Variants in USP28 observed in about 807,000 individuals in gnomAD.
USP28 encodes ubiquitin specific peptidase 28.
USP28 carries 113 observed loss-of-function variants against 145.0 expected under a neutral mutation model. That is an observed-to-expected ratio of 0.78 (90% CI 0.67 to 0.91). The LOEUF (loss-of-function observed/expected upper bound fraction) is 0.91. USP28 is among the 40% of genes least tolerant of loss of function. The probability of loss-of-function intolerance (pLI) is 0.00; values close to 1 mark genes in which losing one functional copy is unlikely to be tolerated. For synonymous variants in USP28, 447 were observed against 450.9 expected (o/e 0.99, Z 0.11); for missense variants, 1,201 against 1,289.6 (o/e 0.93, Z 1.05).
At chr11:113,857,735 A>G (rs1354483024) in intron 1 of USP28, among the ~76,000 whole-genome samples, 1 of 152,242 alleles carries the variant, frequency 6.6e-6, no homozygotes, top group Non-Finnish European at 1.5e-5. Flanking sequence ...AATTATTTAC[A>G]TTTGACCTTG....
At chr11:113,847,030 C>T (rs1012676396) in intron 3 of USP28, among the ~76,000 whole-genome samples, 1 of 152,146 alleles carries the variant, frequency 6.6e-6, no homozygotes, top group African/African-American at 2.4e-5. Context: ...CCAATTATCA[C>T]TATAACTATT....
chr11:113,804,439 T>G (rs939753752), intron 21 of USP28, among the ~76,000 whole-genome samples: 6 of 152,184 alleles, frequency 3.9e-5, no homozygotes, highest in African/African-American at 1.4e-4. Flanking sequence ...AAGGCTAAAA[T>G]AGGTATTTAA....
At chr11:113,822,621 T>C (rs747070189) in intron 12 of USP28, among the ~76,000 whole-genome samples, 17 of 152,170 alleles carry the variant, frequency 1.1e-4, no homozygotes, top group Non-Finnish European at 2.2e-4. Context: ...GTTGGTATGG[T>C]TGGTTCTATA....
chr11:113,834,488 G>C (rs1944350029), intron 5 of USP28, among the ~76,000 whole-genome samples, 153 bp from the exon 6 acceptor site: 1 of 152,140 alleles, frequency 6.6e-6, no homozygotes, highest in Non-Finnish European at 1.5e-5. Context: ...AGGAAATAAT[G>C]GTTGTGCACA....
rs1939360345 is a variant in USP28 at position 113,803,217 on chromosome 11, C to T, written c.2803G>A (p.Gly935Arg). The stretch of plus-strand genomic sequence containing the variant: ...GATTCTTTGACCCCCCGGCGGGGCC[C>T]CTTCATCAGCAGGGCAGCATTGCTC... The change falls in exon 23 of 25, where the codon GGG (glycine) becomes AGG (arginine). Residue 935 changes from glycine (G) to arginine (R), a missense_variant. Coordinates refer to ENST00000003302, the Ensembl canonical transcript of USP28. 3 of 1,614,108 alleles carry T rather than the reference C, an allele frequency of 1.9e-6. No homozygotes were observed. The highest frequency in any genetic ancestry group is 2.5e-6 in the Non-Finnish European group (3 of 1,179,984).
At chr11:113,821,368 T>C (rs555071476) in intron 12 of USP28, 1 of 228,772 alleles carries the variant, frequency 4.4e-6, no homozygotes, top group Non-Finnish European at 9.8e-6. Flanking sequence ...TCACAGCCAA[T>C]TGCCACTATT....
chr11:113,801,190 A>G (rs928445533), intron 24 of USP28, among the ~76,000 whole-genome samples: 1 of 152,112 alleles, frequency 6.6e-6, no homozygotes, highest in African/African-American at 2.4e-5. Context: ...TTGGCACATG[A>G]GAGAGTAATG....
chr11:113,867,283 G>A (rs1289357957), intron 1 of USP28, among the ~76,000 whole-genome samples: 1 of 146,802 alleles, frequency 6.8e-6, no homozygotes, highest in Non-Finnish European at 1.5e-5. Flanking sequence ...TTTTTTTTTT[G>A]GAGACAGAGT....
chr11:113,851,740 G>A (rs1004487581), intron 3 of USP28, among the ~76,000 whole-genome samples: 2 of 150,342 alleles, frequency 1.3e-5, no homozygotes, highest in African/African-American at 2.5e-5. Flanking sequence ...AGCGCAGATC[G>A]CGCTATTGCA....
At chr11:113,858,942 C>T (rs968967851) in intron 1 of USP28, among the ~76,000 whole-genome samples, 1 of 152,156 alleles carries the variant, frequency 6.6e-6, no homozygotes, top group Non-Finnish European at 1.5e-5. Flanking sequence ...GAAATTCTTG[C>T]CTTCTTTAAA....
At chr11:113,837,654 C>T (rs565043705) in intron 5 of USP28, among the ~76,000 whole-genome samples, 10 of 152,274 alleles carry the variant, frequency 6.6e-5, no homozygotes, top group South Asian at 2.1e-4. Flanking sequence ...TTTGATGCTA[C>T]GGTCTTAACT....
rs770389625 is a variant in USP28, at chr11:113,813,920, T to C, written c.1708A>G (p.Ile570Val). 2.5e-6 allele frequency: 4 copies of C among 1,611,774 alleles called. No homozygotes were observed. The highest frequency in any genetic ancestry group is 2.2e-5 in the East Asian group (1 of 44,800). ...AGAGGATCGCAGTACATCTGTTCAA[T>C]AGTCTGAGTAGTACTTGCAATACAA... is the stretch of plus-strand genomic sequence containing the variant. Residue 570 changes from isoleucine (I) to valine (V), a missense_variant, in exon 15 of 25, where the codon ATT (isoleucine) becomes GTT (valine). Physicochemically the swap from Ile to Val is conservative, Grantham distance 29 (BLOSUM62 3). Transcript: ENST00000003302.
chr11:113,867,953 T>C (rs985036053), intron 1 of USP28, among the ~76,000 whole-genome samples: 4 of 152,196 alleles, frequency 2.6e-5, no homozygotes, highest in Non-Finnish European at 2.9e-5. Flanking sequence ...CTACCAGCCA[T>C]CATGTAGCAT....
intron 19 of USP28, 138 bp from the exon 21 acceptor site, chr11:113,805,184 A>C: frequency 1.2e-5 from 9 of 774,802 alleles, no homozygotes; most frequent in South Asian, 5.0e-5. Flanking sequence ...AAAAACAACT[A>C]TGGAATTTTT....
At position 113,872,115 on chromosome 11, in the gene USP28, C is replaced by T. The variant is rs188875950; in HGVS notation, c.57+3330G>A. 1.5e-4 allele frequency among the ~76,000 whole-genome samples: 23 copies of T among 152,338 alleles called. No individual in the cohort carries two copies. The East Asian group carries it at 3.5e-3, about 23-fold the overall frequency. ...CAATTAGCATTAGCTATTACTATTA[C>T]CAGCATTATTTTCCTTGTTAAGTAC... On this transcript the variant is annotated intron_variant, in intron 1 of 24. Transcript: ENST00000003302.
intron 1 of USP28, among the ~76,000 whole-genome samples, chr11:113,861,465 AGT>A (rs1471205518): frequency 6.6e-6 from 1 of 152,258 alleles, no homozygotes; most frequent in Admixed American, 6.5e-5. Context: ...AACCATTAAA[AGT>A]GTTTAAAATT....
chr11:113,870,296 G>C (rs1264820840), intron 1 of USP28, among the ~76,000 whole-genome samples: 1 of 152,244 alleles, frequency 6.6e-6, no homozygotes, highest in Non-Finnish European at 1.5e-5. Flanking sequence ...GGAGGCCAAG[G>C]CAGGAGGACT....
intron 18 of USP28, among the ~76,000 whole-genome samples, 200 bp from the exon 20 acceptor site, chr11:113,806,784 C>A (rs1385712831): frequency 1.3e-5 from 2 of 152,130 alleles, no homozygotes; most frequent in Non-Finnish European, 2.9e-5. Context: ...ATGTCAACAC[C>A]CTGCCCAAGA....
intron 3 of USP28, among the ~76,000 whole-genome samples, chr11:113,851,320 T>C (rs1056489984): frequency 6.6e-6 from 1 of 152,194 alleles, no homozygotes; most frequent in Admixed American, 6.5e-5. Context: ...CAGCAAAAGC[T>C]AGTACTTAGG....
Sources: allele counts gnomAD v4.1 joint callset (sites outside exome capture counted in the v4.1 genomes callset), GRCh38; gene constraint gnomAD v4.1.1; transcripts MANE v1.5; gene names NCBI Gene and HGNC (gene_info 2026-07-23, HGNC 2026-07-21).